Variants in KLHL22 observed in about 807,000 individuals in gnomAD.
KLHL22 encodes kelch-like protein 22.
KLHL22 carries 18 observed loss-of-function variants against 60.7 expected under a neutral mutation model. The observed-to-expected ratio is 0.30, with a 90% CI of 0.20 to 0.44. KLHL22 has a LOEUF of 0.44. KLHL22 is among the 20% of genes least tolerant of loss of function. KLHL22 has a pLI of 1.00. For synonymous variants in KLHL22, 355 were observed against 354.5 expected (o/e 1.00, Z -0.01); for missense variants, 596 against 852.3 (o/e 0.70, Z 3.74).
intron 6 of KLHL22, among the ~76,000 whole-genome samples, chr22:20,445,803 G>A (rs565039165): frequency 7.4e-4 from 112 of 151,976 alleles, no homozygotes; most frequent in East Asian, 2.3e-3. Flanking sequence ...TGGCTCTGTC[G>A]CCCAGGCTGG....
At chr22:20,458,273 C>CTTTTTTTTTTT (rs35379911) in intron 4 of KLHL22, among the ~76,000 whole-genome samples, 1 of 76,488 alleles carries the variant, frequency 1.3e-5, no homozygotes, top group African/African-American at 5.8e-5. Flanking sequence ...TCCAATGGCT[C>CTTTTTTTTTTT]TTTTTTTTTT....
intron 2 of KLHL22, among the ~76,000 whole-genome samples, chr22:20,472,711 G>A (rs916976988): frequency 2.6e-5 from 4 of 152,124 alleles, no homozygotes; most frequent in African/African-American, 4.8e-5. Context: ...GGGTGACACA[G>A]CAAGACTCTG....
At chr22:20,478,320 C>G (rs1024517585) in intron 2 of KLHL22, among the ~76,000 whole-genome samples, 1 of 151,470 alleles carries the variant, frequency 6.6e-6, no homozygotes, top group African/African-American at 2.4e-5. Flanking sequence ...ATTATCCTAC[C>G]TCAGTCTCCC....
intron 3 of KLHL22, among the ~76,000 whole-genome samples, chr22:20,470,289 C>T (rs2053293833): frequency 6.6e-6 from 1 of 150,414 alleles, no homozygotes; most frequent in African/African-American, 2.5e-5. Context: ...GTGGAGGCTA[C>T]AGTGAACTAT....
rs912731561 is a variant in KLHL22, at chr22:20,465,803, T to G, written c.394-227A>C. ...ACTGGGTGACAGGATATACAGCATG[T>G]TTTTTTTTGGTTTTGTTTTGCTTTT... On this transcript the variant is annotated intron_variant, in intron 3 of 6. Coordinates refer to ENST00000328879, the MANE Select transcript of KLHL22 (RefSeq NM_032775.4). The surrounding 1 kb of genome is among the most constrained non-coding windows in gnomAD (Gnocchi z 4.9). Among the ~76,000 whole-genome samples, 5 of 151,156 alleles carry G rather than the reference T, an allele frequency of 3.3e-5. No individual in the cohort carries two copies. The highest frequency in any genetic ancestry group is 1.9e-4 in the East Asian group (1 of 5,144).
At chr22:20,477,648 A>AT (rs754582734) in intron 2 of KLHL22, among the ~76,000 whole-genome samples, 15 of 152,234 alleles carry the variant, frequency 9.9e-5, no homozygotes, top group Admixed American at 1.3e-4. Flanking sequence ...TGGATCATGA[A>AT]TGGAGGGAGG....
At chr22:20,487,862 T>C (rs1049236635) in intron 2 of KLHL22, among the ~76,000 whole-genome samples, 10 of 152,126 alleles carry the variant, frequency 6.6e-5, no homozygotes, top group South Asian at 4.1e-4. Flanking sequence ...GGGGATCCCA[T>C]AGGCTCCACA....
chr22:20,472,503 ATC>A (rs2053343628), intron 2 of KLHL22, among the ~76,000 whole-genome samples: 1 of 152,090 alleles, frequency 6.6e-6, no homozygotes, highest in African/African-American at 2.4e-5. Context: ...AGGCGGGCAG[ATC>A]ACCTGAGGTC....
chr22:20,455,270 C>A (rs2053045285), intron 5 of KLHL22, among the ~76,000 whole-genome samples: 1 of 152,222 alleles, frequency 6.6e-6, no homozygotes, highest in African/African-American at 2.4e-5. Context: ...TGAACCCTCC[C>A]ATCTCCCTCC....
intron 4 of KLHL22, among the ~76,000 whole-genome samples, chr22:20,462,618 C>T (rs1283466962): frequency 6.6e-6 from 1 of 151,812 alleles, no homozygotes; most frequent in African/African-American, 2.4e-5. Flanking sequence ...CCTCAGCATC[C>T]CAAAGTGCTG....
At chr22:20,467,181 G>C (rs1014823407) in intron 3 of KLHL22, among the ~76,000 whole-genome samples, 5 of 152,172 alleles carry the variant, frequency 3.3e-5, no homozygotes, top group Non-Finnish European at 7.3e-5. Flanking sequence ...ACAGCTGCAG[G>C]TTCTCCCAGC....
chr22:20,449,946 G>C (rs909714683), intron 5 of KLHL22, among the ~76,000 whole-genome samples: 3 of 152,190 alleles, frequency 2.0e-5, no homozygotes, highest in Admixed American at 2.0e-4. Context: ...GACAGCTCCA[G>C]AGCCTCCGGG....
intron 2 of KLHL22, among the ~76,000 whole-genome samples, chr22:20,479,079 A>C (rs1481597276): frequency 1.3e-5 from 2 of 151,344 alleles, no homozygotes; most frequent in South Asian, 2.1e-4. Flanking sequence ...CAGTGAGCCG[A>C]GATGATGCCA....
chr22:20,485,795 G>C (rs1487813139), intron 2 of KLHL22, among the ~76,000 whole-genome samples: 1 of 151,746 alleles, frequency 6.6e-6, no homozygotes, highest in African/African-American at 2.4e-5. Flanking sequence ...TTGAACCCGG[G>C]AGGCAGAGGT....
intron 2 of KLHL22, among the ~76,000 whole-genome samples, chr22:20,473,716 A>G (rs2146246849): frequency 1.3e-5 from 2 of 152,168 alleles, no homozygotes; most frequent in African/African-American, 4.8e-5. Context: ...TCTCTACCAA[A>G]AATACAAAAT....
chr22:20,493,996 T>C (rs529667603), intron 1 of KLHL22, among the ~76,000 whole-genome samples: 1 of 151,236 alleles, frequency 6.6e-6, no homozygotes, highest in Admixed American at 6.6e-5. Flanking sequence ...GGAGAATCGA[T>C]TGAACCCAGG....
At chr22:20,466,052 T>G (rs1473250486) in intron 3 of KLHL22, among the ~76,000 whole-genome samples, 1 of 152,102 alleles carries the variant, frequency 6.6e-6, no homozygotes, top group Non-Finnish European at 1.5e-5. Flanking sequence ...GAGTGGACCC[T>G]TGATATATGT....
chr22:20,455,122 TC>T (rs984902254), intron 5 of KLHL22, among the ~76,000 whole-genome samples: 1 of 151,936 alleles, frequency 6.6e-6, no homozygotes, highest in African/African-American at 2.4e-5. Context: ...CCTCAGGTGA[TC>T]CCCCCCGCCT....
intron 4 of KLHL22, among the ~76,000 whole-genome samples, chr22:20,459,044 G>A (rs1035897633): frequency 6.6e-6 from 1 of 152,152 alleles, no homozygotes; most frequent in Non-Finnish European, 1.5e-5. Flanking sequence ...AGCATGGCCT[G>A]CAATGTGGAG....
Sources: gnomAD v4.1 joint callset for allele counts (sites outside exome capture counted in the v4.1 genomes callset) on GRCh38, gnomAD v4.1.1 for gene constraint, Gnocchi (gnomAD v3.1) non-coding constraint, MANE v1.5 for transcripts, NCBI Gene and HGNC (gene_info 2026-07-23, HGNC 2026-07-21) for gene names.